SEMA4D: variants seen among roughly 807,000 people sequenced by gnomAD.
The protein encoded by SEMA4D is semaphorin-4D.
SEMA4D carries 22 observed loss-of-function variants against 74.8 expected under a neutral mutation model. That is an observed-to-expected ratio of 0.29 (90% CI 0.21 to 0.42). SEMA4D has a LOEUF of 0.42. Ranked by LOEUF, SEMA4D falls within the 10% of genes least tolerant of loss-of-function variation. The pLI is 1.00. For missense variants in SEMA4D, 937 were observed against 1,118.4 expected (o/e 0.84, Z 2.31); for synonymous variants, 445 against 463.7 (o/e 0.96, Z 0.52).
At chr9:89,401,573 C>T (rs978410676) in intron 4 of SEMA4D, among the ~76,000 whole-genome samples, 5 of 152,114 alleles carry the variant, frequency 3.3e-5, no homozygotes, top group African/African-American at 1.2e-4. Context: ...ATGGATGCGA[C>T]GATTTGAGCA....
At chr9:89,461,383 GC>G (rs931741206) in intron 1 of SEMA4D, among the ~76,000 whole-genome samples, 15 of 152,054 alleles carry the variant, frequency 9.9e-5, no homozygotes, top group Non-Finnish European at 1.8e-4. Context: ...ACTGAAAAGC[GC>G]CCCCACAGAG....
intron 1 of SEMA4D, among the ~76,000 whole-genome samples, chr9:89,476,736 C>A (rs903978445): frequency 6.6e-6 from 1 of 152,224 alleles, no homozygotes; most frequent in Admixed American, 6.5e-5. Flanking sequence ...CCCTGACCGA[C>A]ACAATCAATC....
intron 1 of SEMA4D, among the ~76,000 whole-genome samples, chr9:89,459,116 C>G (rs767876711): frequency 1.3e-5 from 2 of 152,186 alleles, no homozygotes; most frequent in African/African-American, 4.8e-5. Flanking sequence ...GGTTCTGAGC[C>G]ATCGCAGCCT....
At chr9:89,485,470 G>A (rs1043351504) in intron 1 of SEMA4D, among the ~76,000 whole-genome samples, 4 of 152,102 alleles carry the variant, frequency 2.6e-5, no homozygotes, top group Admixed American at 2.6e-4. Context: ...AATGGCCAAA[G>A]GGTACATGTG....
chr9:89,474,567 C>T (rs1430635138), intron 1 of SEMA4D, among the ~76,000 whole-genome samples: 3 of 152,164 alleles, frequency 2.0e-5, no homozygotes, highest in Admixed American at 6.5e-5. Context: ...CTTCAGAACC[C>T]GTGGGTGATT....
chr9:89,394,330 TA>T (rs1433018129), intron 6 of SEMA4D, among the ~76,000 whole-genome samples: 1 of 151,742 alleles, frequency 6.6e-6, no homozygotes, highest in East Asian at 1.9e-4. Context: ...ACGGCAAGGT[TA>T]AATATGTGAC....
intron 2 of SEMA4D, 108 bp downstream of exon 2, chr9:89,455,780 G>A (rs1472341054): frequency 1.3e-5 from 2 of 152,280 alleles, no homozygotes; most frequent in African/African-American, 2.4e-5. Flanking sequence ...CACAGTGAAT[G>A]GGCATCGCTG....
intron 2 of SEMA4D, chr9:89,449,920 T>C (rs1776201361): frequency 1.2e-5 from 18 of 1,440,720 alleles, no homozygotes; most frequent in Non-Finnish European, 1.8e-5. Flanking sequence ...ATCACTAATG[T>C]AGCTCGTACT....
At chr9:89,471,890 C>T (rs1195799166) in intron 1 of SEMA4D, among the ~76,000 whole-genome samples, 1 of 109,544 alleles carries the variant, frequency 9.1e-6, no homozygotes, top group Non-Finnish European at 1.9e-5. Context: ...GCAAGCCAGA[C>T]AGGGTGCACA....
intron 1 of SEMA4D, chr9:89,497,308 G>A (rs116916156): frequency 0.021 from 3,265 of 152,498 alleles, 43 homozygotes; most frequent in Non-Finnish European, 0.036. Flanking sequence ...AACCCGAAAG[G>A]AAACCGAGGC....
At chr9:89,429,828 C>G (rs982387939) in intron 2 of SEMA4D, among the ~76,000 whole-genome samples, 14 of 152,090 alleles carry the variant, frequency 9.2e-5, no homozygotes, top group African/African-American at 3.4e-4. Flanking sequence ...AAAGAAATTA[C>G]GCGGTTTGCA....
chr9:89,381,568 A>C lies in SEMA4D; in HGVS notation c.1447-222T>G. 4.6e-6 allele frequency: 2 copies of C among 430,404 alleles called. No homozygotes were observed. The highest frequency in any genetic ancestry group is 8.2e-6 in the Non-Finnish European group (2 of 244,096). The allele number at this position is 430,404 out of a possible 1,614,324, so 26.7% of individuals were successfully genotyped here. A position where few individuals can be genotyped will look rare whatever the true frequency, so the allele number is the denominator to read the frequency against. On this transcript the variant is annotated intron_variant, in intron 13 of 15. Coordinates refer to ENST00000422704, the MANE Select transcript of SEMA4D (RefSeq NM_001371194.2). This position sits in a 1 kb window ranked among gnomAD's most constrained non-coding sequence, Gnocchi z 4.6. Reference sequence around the variant, plus strand: ...AGGGCTCACTGGGCCTTAGGTCCAAATCCCTCTCTCCCCTGTCTGGGCACC... The same window carrying C: ...AGGGCTCACTGGGCCTTAGGTCCAACTCCCTCTCTCCCCTGTCTGGGCACC...
At chr9:89,422,761 T>A (rs936897318) in intron 2 of SEMA4D, among the ~76,000 whole-genome samples, 1 of 152,216 alleles carries the variant, frequency 6.6e-6, no homozygotes, top group Admixed American at 6.5e-5. Flanking sequence ...TTCACAGTGA[T>A]GTTACAGAGG....
At chr9:89,445,818 C>T (rs1256447728) in intron 2 of SEMA4D, among the ~76,000 whole-genome samples, 1 of 152,152 alleles carries the variant, frequency 6.6e-6, no homozygotes, top group African/African-American at 2.4e-5. Flanking sequence ...TCCTACCCCA[C>T]CTTCTACTTT....
intron 1 of SEMA4D, among the ~76,000 whole-genome samples, chr9:89,481,273 C>T (rs1334188079): frequency 2.0e-5 from 3 of 152,164 alleles, no homozygotes; most frequent in African/African-American, 4.8e-5. Flanking sequence ...GAGAGACCCC[C>T]GAGGGTCCAG....
chr9:89,366,571 T>A (rs1833705875), intron 16 of SEMA4D, among the ~76,000 whole-genome samples: 1 of 152,246 alleles, frequency 6.6e-6, no homozygotes, highest in African/African-American at 2.4e-5. Context: ...CAAAATGTTT[T>A]GGACTCTGGC....
At chr9:89,432,614 C>T (rs1849519345) in intron 2 of SEMA4D, among the ~76,000 whole-genome samples, 1 of 152,180 alleles carries the variant, frequency 6.6e-6, no homozygotes. Flanking sequence ...GCAAATGATA[C>T]TTAATACCCA....
At chr9:89,448,660 C>T (rs946361716) in intron 2 of SEMA4D, among the ~76,000 whole-genome samples, 3 of 152,210 alleles carry the variant, frequency 2.0e-5, no homozygotes, top group Non-Finnish European at 4.4e-5. Context: ...GTCAGACGCA[C>T]CCAGAAAGCT....
chr9:89,491,962 C>G (rs1365040709), intron 1 of SEMA4D, among the ~76,000 whole-genome samples: 1 of 152,134 alleles, frequency 6.6e-6, no homozygotes, highest in Admixed American at 6.5e-5. Flanking sequence ...GTCTCTGTCC[C>G]TCCCACCCAC....
Sources: allele counts gnomAD v4.1 joint callset (sites outside exome capture counted in the v4.1 genomes callset), GRCh38; gene constraint gnomAD v4.1.1; non-coding constraint Gnocchi (gnomAD v3.1); transcripts MANE v1.5; gene names NCBI Gene and HGNC (gene_info 2026-07-23, HGNC 2026-07-21).